Variants in NTRK3 observed in about 807,000 individuals in gnomAD.
The protein encoded by NTRK3 is NT-3 growth factor receptor.
NTRK3 carries 24 observed loss-of-function variants against 91.7 expected under a neutral mutation model. The observed-to-expected ratio is 0.26, with a 90% CI of 0.19 to 0.37. NTRK3 has a LOEUF of 0.37. Among genes scored for constraint, NTRK3 ranks in the 10% least tolerant of loss-of-function variants. NTRK3 has a pLI of 1.00. For synonymous variants in NTRK3, 483 were observed against 404.0 expected (o/e 1.20, Z -2.34); for missense variants, 880 against 1,068.9 (o/e 0.82, Z 2.46).
chr15:87,896,668 G>A (rs2066143464), intron 17 of NTRK3, among the ~76,000 whole-genome samples: 1 of 151,908 alleles, frequency 6.6e-6, no homozygotes, highest in Non-Finnish European at 1.5e-5. Flanking sequence ...ATATTAGTTT[G>A]GATATCCTTT....
intron 17 of NTRK3, among the ~76,000 whole-genome samples, chr15:87,890,678 T>C (rs1270500709): frequency 2.0e-5 from 3 of 152,082 alleles, no homozygotes; most frequent in Non-Finnish European, 4.4e-5. Flanking sequence ...CTTTGGGAAA[T>C]GAAATCCTAT....
chr15:88,174,152 G>A (rs535279049), intron 5 of NTRK3, among the ~76,000 whole-genome samples: 1 of 152,164 alleles, frequency 6.6e-6, no homozygotes, highest in Non-Finnish European at 1.5e-5. Flanking sequence ...GCCCCTCAGT[G>A]GCCCCAGCTG....
chr15:88,232,188 CTCTATCCAGGT>C (rs1440810502), intron 3 of NTRK3, among the ~76,000 whole-genome samples: 1 of 151,766 alleles, frequency 6.6e-6, no homozygotes, highest in Non-Finnish European at 1.5e-5. Flanking sequence ...TCACCTCCCT[CTCTATCCAGGT>C]CCTACCTGTA....
chr15:87,984,634 A>C (rs1300490305), intron 14 of NTRK3, among the ~76,000 whole-genome samples: 1 of 152,228 alleles, frequency 6.6e-6, no homozygotes, highest in African/African-American at 2.4e-5. Flanking sequence ...ATATGGCCTT[A>C]TGATGTGCCT....
At chr15:88,239,556 G>A (rs2052122436) in intron 3 of NTRK3, among the ~76,000 whole-genome samples, 1 of 152,126 alleles carries the variant, frequency 6.6e-6, no homozygotes, top group African/African-American at 2.4e-5. Flanking sequence ...GCAGGTCAAG[G>A]CAGGTTCAGG....
At chr15:88,022,035 T>G (rs2141895178) in intron 14 of NTRK3, among the ~76,000 whole-genome samples, 1 of 152,270 alleles carries the variant, frequency 6.6e-6, no homozygotes, top group South Asian at 2.1e-4. Context: ...TCCCTTACCC[T>G]GCATTCCTGG....
At chr15:88,245,200 C>T (rs1248243297) in intron 3 of NTRK3, among the ~76,000 whole-genome samples, 1 of 152,202 alleles carries the variant, frequency 6.6e-6, no homozygotes, top group Non-Finnish European at 1.5e-5. Context: ...TCCCATTCTT[C>T]AAGGACCTGG....
chr15:88,078,380 G>A (rs981336838), intron 13 of NTRK3, among the ~76,000 whole-genome samples: 1 of 152,218 alleles, frequency 6.6e-6, no homozygotes, highest in Admixed American at 6.5e-5. Context: ...GTCAGGCCTG[G>A]TGCGGTGGCT....
chr15:88,170,683 C>A (rs1048104005), intron 5 of NTRK3, among the ~76,000 whole-genome samples: 1 of 152,164 alleles, frequency 6.6e-6, no homozygotes, highest in Non-Finnish European at 1.5e-5. Flanking sequence ...GCAGAAGAAC[C>A]AGACCGCCAC....
intron 13 of NTRK3, among the ~76,000 whole-genome samples, chr15:88,038,467 G>T (rs1408611293): frequency 6.6e-6 from 1 of 152,152 alleles, no homozygotes; most frequent in African/African-American, 2.4e-5. Context: ...TCCTTATAGG[G>T]CTACGGCTGG....
chr15:87,953,925 C>T (rs1191832775), intron 14 of NTRK3, among the ~76,000 whole-genome samples: 5 of 152,102 alleles, frequency 3.3e-5, no homozygotes, highest in African/African-American at 7.2e-5. Flanking sequence ...ATCTGCCCCT[C>T]CTCCGTGCGG....
chr15:87,921,790 G>T (rs1335069207), intron 17 of NTRK3, among the ~76,000 whole-genome samples: 4 of 151,924 alleles, frequency 2.6e-5, no homozygotes, highest in African/African-American at 9.7e-5. Flanking sequence ...CAAAACTTCT[G>T]CCTCTGCAGA....
intron 14 of NTRK3, among the ~76,000 whole-genome samples, chr15:87,972,251 C>T (rs925009193): frequency 3.3e-5 from 5 of 152,208 alleles, no homozygotes; most frequent in African/African-American, 1.2e-4. Flanking sequence ...GAGGCAAAGA[C>T]AGCCATGAAG....
chr15:88,193,495 C>A (rs1597873506), intron 3 of NTRK3, among the ~76,000 whole-genome samples: 1 of 152,174 alleles, frequency 6.6e-6, no homozygotes, highest in African/African-American at 2.4e-5. Flanking sequence ...GTCCTTGGCA[C>A]CCAGGCACAT....
intron 5 of NTRK3, among the ~76,000 whole-genome samples, chr15:88,162,682 T>C (rs2044573757): frequency 6.6e-6 from 1 of 152,174 alleles, no homozygotes; most frequent in Non-Finnish European, 1.5e-5. Flanking sequence ...TAAGAATAAT[T>C]AATATCATCA....
intron 5 of NTRK3, among the ~76,000 whole-genome samples, chr15:88,174,640 A>G (rs1202436016): frequency 1.3e-5 from 2 of 152,238 alleles, no homozygotes; most frequent in African/African-American, 4.8e-5. Context: ...CAGCTCTAGC[A>G]GAAAGTCCAG....
intron 17 of NTRK3, chr15:87,908,457 C>T: frequency 5.0e-6 from 2 of 399,910 alleles, no homozygotes; most frequent in Admixed American, 4.4e-5. Flanking sequence ...CCTGCCCAGC[C>T]CCCTGGCCCC....
chr15:88,057,031 T>C (rs1184394631), intron 13 of NTRK3, among the ~76,000 whole-genome samples: 2 of 150,082 alleles, frequency 1.3e-5, no homozygotes, highest in African/African-American at 4.9e-5. Context: ...TAGCCGGGCA[T>C]GGTGGCGCGC....
At chr15:88,164,044 T>C (rs2044706057) in intron 5 of NTRK3, among the ~76,000 whole-genome samples, 1 of 152,222 alleles carries the variant, frequency 6.6e-6, no homozygotes, top group Non-Finnish European at 1.5e-5. Context: ...GTACCTATAC[T>C]GTGCTGGGAA....
Sources: gnomAD v4.1 joint callset for allele counts (sites outside exome capture counted in the v4.1 genomes callset) on GRCh38, gnomAD v4.1.1 for gene constraint, MANE v1.5 for transcripts, NCBI Gene and HGNC (gene_info 2026-07-23, HGNC 2026-07-21) for gene names.